Variants in EPHA6 observed in about 807,000 individuals in gnomAD.
EPHA6 encodes ephrin type-A receptor 6.
Under a neutral mutation model 112.0 loss-of-function variants are expected in EPHA6, and 50 were observed. The ratio of observed to expected loss-of-function variants is 0.45; its 90% confidence interval spans 0.36 to 0.56. The LOEUF is 0.56. Among genes scored for constraint, EPHA6 ranks in the 20% least tolerant of loss-of-function variants. EPHA6 has a pLI of 0.00. For synonymous variants in EPHA6, 529 were observed against 490.7 expected, an observed-to-expected ratio of 1.08 and a Z score of -1.03; for missense variants, 1,280 against 1,417.4, an observed-to-expected ratio of 0.90 and a Z score of 1.56.
intron 2 of EPHA6, among the ~76,000 whole-genome samples, chr3:96,884,635 G>A (rs866693615): frequency 1.3e-5 from 2 of 152,156 alleles, no homozygotes; most frequent in Middle Eastern, 3.4e-3. Context: ...GAGTCCTTAG[G>A]GTTTTCAAGG....
chr3:97,618,977 C>T (rs2093789847), intron 13 of EPHA6, among the ~76,000 whole-genome samples: 1 of 152,074 alleles, frequency 6.6e-6, no homozygotes, highest in Non-Finnish European at 1.5e-5. Flanking sequence ...AACTTCAGGC[C>T]AATATCCTTG....
In EPHA6 at chr3:97,017,297, G is replaced by A. The variant is rs553608920; in HGVS notation, c.1114+29304G>A. Among the ~76,000 whole-genome samples, 9 of 152,320 alleles carry A rather than the reference G, an allele frequency of 5.9e-5. No individual in the cohort carries two copies. In the South Asian group the frequency reaches 1.9e-3, roughly 32 times the overall value. On this transcript the variant is annotated intron_variant, in intron 3 of 17. Coordinates refer to ENST00000389672, the MANE Select transcript of EPHA6 (RefSeq NM_001080448.3). ...TCAGAGTGAGAATCTGTGTGTCTGG[G>A]AGAGGGGCAGTGCAGCAACTGTGAG...
chr3:97,175,322 A>T (rs1048500995), intron 3 of EPHA6, among the ~76,000 whole-genome samples: 6 of 151,972 alleles, frequency 3.9e-5, no homozygotes, highest in Non-Finnish European at 8.8e-5. Flanking sequence ...ACTTGAAGTC[A>T]GGTAATGTGA....
At chr3:96,907,453 T>G (rs551247930) in intron 2 of EPHA6, among the ~76,000 whole-genome samples, 82 of 151,186 alleles carry the variant, frequency 5.4e-4, no homozygotes, top group African/African-American at 1.8e-3. Flanking sequence ...AGACTTTTTC[T>G]TATTGTCGTT....
intron 5 of EPHA6, among the ~76,000 whole-genome samples, chr3:97,248,932 T>C (rs909686880): frequency 6.6e-6 from 1 of 152,126 alleles, no homozygotes; most frequent in African/African-American, 2.4e-5. Context: ...CATTTGTCTT[T>C]ATATTTGCAT....
intron 3 of EPHA6, among the ~76,000 whole-genome samples, chr3:97,100,165 T>C (rs1351083908): frequency 6.6e-6 from 1 of 151,484 alleles, no homozygotes; most frequent in Non-Finnish European, 1.5e-5. Context: ...CAAAATTTAA[T>C]TTCATGTCTC....
At chr3:97,103,459 A>G in intron 3 of EPHA6, among the ~76,000 whole-genome samples, 1 of 151,632 alleles carries the variant, frequency 6.6e-6, no homozygotes, top group East Asian at 1.9e-4. Flanking sequence ...TGCATGTGAC[A>G]TTATTTCTGG....
intron 1 of EPHA6, among the ~76,000 whole-genome samples, chr3:96,820,968 AAC>A (rs1447767854): frequency 1.3e-5 from 2 of 151,870 alleles, no homozygotes; most frequent in East Asian, 3.9e-4. Flanking sequence ...TGTTATTGAA[AAC>A]ACAAATTCTA....
chr3:97,261,210 T>A (rs2079491719), intron 5 of EPHA6, among the ~76,000 whole-genome samples: 1 of 151,882 alleles, frequency 6.6e-6, no homozygotes, highest in Non-Finnish European at 1.5e-5. Flanking sequence ...GCTAGTTGGA[T>A]GAATCCAGGT....
intron 3 of EPHA6, among the ~76,000 whole-genome samples, chr3:97,034,524 T>C (rs1182266673): frequency 6.6e-6 from 1 of 151,934 alleles, no homozygotes; most frequent in Non-Finnish European, 1.5e-5. Context: ...TTGACAAATG[T>C]GTTCTTTTGA....
At chr3:96,930,844 T>C (rs1003021818) in intron 2 of EPHA6, among the ~76,000 whole-genome samples, 1 of 151,310 alleles carries the variant, frequency 6.6e-6, no homozygotes, top group Non-Finnish European at 1.5e-5. Context: ...ATACAAAAAT[T>C]AGCCAGGCAT....
chr3:97,649,105 AAGACATATCTG>A (rs1450045126), intron 14 of EPHA6, among the ~76,000 whole-genome samples: 1 of 152,132 alleles, frequency 6.6e-6, no homozygotes, highest in Non-Finnish European at 1.5e-5. Flanking sequence ...GCTGCTAATA[AAGACATATCTG>A]AGACTGGGTG....
chr3:96,895,325 A>G (rs1480360615), intron 2 of EPHA6, among the ~76,000 whole-genome samples: 2 of 152,218 alleles, frequency 1.3e-5, no homozygotes, highest in Non-Finnish European at 2.9e-5. Context: ...TAAAGAAAAA[A>G]GTATTTTTGA....
chr3:97,480,974 C>T (rs1019537052), intron 9 of EPHA6, among the ~76,000 whole-genome samples: 3 of 151,226 alleles, frequency 2.0e-5, no homozygotes, highest in South Asian at 2.1e-4. Flanking sequence ...CGGGAAGAGG[C>T]GCTCCTCACT....
chr3:97,748,806 C>T lies in EPHA6; in HGVS notation c.*105C>T, dbSNP rs2107911199. 1 of 706,626 alleles carries T rather than the reference C, an allele frequency of 1.4e-6. No homozygotes were observed. The highest frequency in any genetic ancestry group is 2.6e-6 in the Non-Finnish European group (1 of 389,744). The allele number at this position is 706,626 out of a possible 1,614,324, so 43.8% of individuals were successfully genotyped here. On this transcript the variant is annotated 3_prime_UTR_variant, in exon 18 of 18. Coordinates refer to ENST00000389672, the MANE Select transcript of EPHA6 (RefSeq NM_001080448.3). ...TCTCCAAACATCACTTCACAAACTGCAGTCTTCTGTTCAGACTATAGGCAC... is the reference window on the plus strand; with the variant it reads ...TCTCCAAACATCACTTCACAAACTGTAGTCTTCTGTTCAGACTATAGGCAC...
intron 3 of EPHA6, among the ~76,000 whole-genome samples, chr3:97,042,132 T>C (rs2045338551): frequency 6.6e-6 from 1 of 152,134 alleles, no homozygotes; most frequent in Non-Finnish European, 1.5e-5. Flanking sequence ...TGTTGAATTG[T>C]AATCCTCAGT....
chr3:97,508,651 G>C (rs576848983), intron 10 of EPHA6, among the ~76,000 whole-genome samples: 1 of 152,152 alleles, frequency 6.6e-6, no homozygotes, highest in Non-Finnish European at 1.5e-5. Context: ...GGGGTGGAGA[G>C]TTCTATAGAT....
At position 97,294,601 on chromosome 3, in the gene EPHA6, CATT is replaced by C. The variant is rs542248009; in HGVS notation, c.1606+50315_1606+50317del. 1.8e-4 allele frequency among the ~76,000 whole-genome samples: 27 copies of C among 151,954 alleles called. No homozygotes were observed. The South Asian group carries it at 2.9e-3, about 16-fold the overall frequency. On this transcript the variant is annotated intron_variant, in intron 5 of 17. Transcript: ENST00000389672. ...TTGTACTTATTTTGTTGTTTTTTGT[CATT>C]GTTTCTCTCATTGTTTATCATTGCA...
chr3:97,319,273 T>G (rs1260628083), intron 5 of EPHA6, among the ~76,000 whole-genome samples: 2 of 151,722 alleles, frequency 1.3e-5, no homozygotes, highest in Non-Finnish European at 2.9e-5. Flanking sequence ...TTTTTAATAT[T>G]TAATCATTTC....
Sources: allele counts gnomAD v4.1 joint callset (sites outside exome capture counted in the v4.1 genomes callset), GRCh38; gene constraint gnomAD v4.1.1; transcripts MANE v1.5; gene names NCBI Gene and HGNC (gene_info 2026-07-23, HGNC 2026-07-21).